The following HYDIN variants were observed in gnomAD, a reference collection of about 807,000 sequenced individuals.
The protein encoded by HYDIN is axonemal central pair apparatus protein HYDIN.
In HYDIN, 132 loss-of-function variants were observed where a neutral mutation model predicts 403.9. That is an observed-to-expected ratio of 0.33 (90% CI 0.28 to 0.38). The LOEUF (loss-of-function observed/expected upper bound fraction) is 0.38, where lower values mean the gene tolerates loss of function less well. HYDIN is among the 10% of genes least tolerant of loss of function. HYDIN has a pLI of 1.00. For missense variants in HYDIN, 2,827 were observed against 5,009.5 expected, an observed-to-expected ratio of 0.56 and a Z score of 13.15; for synonymous variants, 1,202 against 1,891.7, an observed-to-expected ratio of 0.64 and a Z score of 9.46.
At chr16:70,853,145 C>T (rs969079849) in intron 73 of HYDIN, among the ~76,000 whole-genome samples, 1 of 152,054 alleles carries the variant, frequency 6.6e-6, no homozygotes, top group Non-Finnish European at 1.5e-5. Flanking sequence ...CACACCACTG[C>T]ACTCCAGCCT....
intron 10 of HYDIN, among the ~76,000 whole-genome samples, chr16:71,105,647 G>A (rs113952216): frequency 4.6e-5 from 2 of 43,848 alleles, no homozygotes; most frequent in African/African-American, 1.9e-4. Context: ...CCACCATGCT[G>A]CTTTTCTGCA....
intron 41 of HYDIN, among the ~76,000 whole-genome samples, chr16:70,949,209 C>CA (rs980185300): frequency 6.8e-6 from 1 of 147,704 alleles, no homozygotes; most frequent in Non-Finnish European, 1.5e-5. Context: ...ATCGCAAGAA[C>CA]AAAAAAACAA....
At chr16:71,205,593 G>A (rs532351968) in intron 1 of HYDIN, among the ~76,000 whole-genome samples, 12 of 152,306 alleles carry the variant, frequency 7.9e-5, no homozygotes, top group South Asian at 2.1e-4. Context: ...TTGTAGTTCC[G>A]AGGAGCACCA....
intron 39 of HYDIN, among the ~76,000 whole-genome samples, chr16:70,958,322 T>C (rs1394725617): frequency 6.6e-6 from 1 of 152,164 alleles, no homozygotes; most frequent in Non-Finnish European, 1.5e-5. Flanking sequence ...GTGAAAGCTG[T>C]AAGGTTCCAT....
At chr16:71,011,480 G>A (rs111938724) in intron 23 of HYDIN, among the ~76,000 whole-genome samples, 1 of 151,806 alleles carries the variant, frequency 6.6e-6, no homozygotes, top group African/African-American at 2.4e-5. Context: ...ACTGAGGTAG[G>A]AGGATCACTT....
chr16:71,098,662 A>G (rs1349915222), intron 10 of HYDIN, among the ~76,000 whole-genome samples: 23 of 151,808 alleles, frequency 1.5e-4, no homozygotes, highest in African/African-American at 5.3e-4. Flanking sequence ...TATATCATGG[A>G]ATAAACTGCA....
intron 44 of HYDIN, among the ~76,000 whole-genome samples, chr16:70,937,194 C>T (rs796419720): frequency 4.0e-5 from 6 of 151,508 alleles, no homozygotes; most frequent in African/African-American, 1.5e-4. Context: ...TGTTGCTGCA[C>T]TTTGAGAATC....
chr16:71,226,744 C>A (rs2041049425), intron 1 of HYDIN, among the ~76,000 whole-genome samples: 1 of 152,144 alleles, frequency 6.6e-6, no homozygotes, highest in Non-Finnish European at 1.5e-5. Flanking sequence ...TCTTAGAAAA[C>A]TGACGCTCGG....
chr16:70,879,310 A>C lies in HYDIN; in HGVS notation c.10544T>G (p.Val3515Gly). The C allele has an allele frequency of 3.9e-6, 5 of 1,278,230 alleles. No homozygotes were observed. The highest frequency in any genetic ancestry group is 5.5e-6 in the Non-Finnish European group (5 of 906,880). The allele number at this position is 1,278,230 out of a possible 1,614,324, so 79.2% of individuals were successfully genotyped here. A position where few individuals can be genotyped will look rare whatever the true frequency, so the allele number is the denominator to read the frequency against. ...CTCGAGTATTACCTGGGCAGGGAGG[A>C]CACCATTGTTCTTGAGGATGAGAGG... The part of the protein sequence containing the change: ...KLPLILKNNG[V>G]LPAQLHVDLQ... The change falls in exon 62 of 86, where the codon GTC (valine) becomes GGC (glycine). Residue 3515 changes from valine (V) to glycine (G), a missense_variant. By Grantham distance (109) the Val-to-Gly change is moderately radical (BLOSUM62 -3). Coordinates refer to ENST00000393567, the MANE Select transcript of HYDIN (RefSeq NM_001270974.2).
chr16:71,190,453 T>C (rs2087378281), intron 1 of HYDIN, among the ~76,000 whole-genome samples: 1 of 152,190 alleles, frequency 6.6e-6, no homozygotes. Flanking sequence ...ACCAAACTAA[T>C]TATTTTGGAA....
intron 23 of HYDIN, among the ~76,000 whole-genome samples, chr16:71,010,788 C>T (rs1035164703): frequency 2.0e-4 from 30 of 152,118 alleles, no homozygotes; most frequent in Middle Eastern, 6.8e-3. Flanking sequence ...AAAATAATCA[C>T]ATTTCCCCTA....
rs934431899 is a variant in HYDIN, at chr16:70,803,581, T to A, written c.*3999A>T. Among the ~76,000 whole-genome samples, 1 of 152,362 alleles carries A rather than the reference T, an allele frequency of 6.6e-6. No homozygotes were observed. The highest frequency in any genetic ancestry group is 2.1e-4 in the South Asian group (1 of 4,832). On this transcript the variant is annotated 3_prime_UTR_variant, in exon 86 of 86. Coordinates refer to ENST00000393567, the MANE Select transcript of HYDIN (RefSeq NM_001270974.2). Reference sequence around the variant, plus strand: ...TTCTGTAACAACTATTCATAATAGCTATTACAAGTATGTAAAAGTTATGAC... The same window carrying A: ...TTCTGTAACAACTATTCATAATAGCAATTACAAGTATGTAAAAGTTATGAC...
At chr16:70,950,468 G>C (rs1209117154) in intron 41 of HYDIN, among the ~76,000 whole-genome samples, 2 of 151,660 alleles carry the variant, frequency 1.3e-5, no homozygotes, top group Admixed American at 1.3e-4. Context: ...ACGTTGGCCA[G>C]GCTGGCCTTG....
intron 16 of HYDIN, among the ~76,000 whole-genome samples, chr16:71,064,135 C>T (rs1194034621): frequency 1.5e-5 from 2 of 132,704 alleles, no homozygotes; most frequent in African/African-American, 2.7e-5. Context: ...AGTAACCTTC[C>T]ATTACTCTAA....
At chr16:71,218,427 C>T (rs2089004944) in intron 1 of HYDIN, among the ~76,000 whole-genome samples, 1 of 152,200 alleles carries the variant, frequency 6.6e-6, no homozygotes, top group African/African-American at 2.4e-5. Context: ...GAAGAACCCA[C>T]TGGGTTACGT....
intron 1 of HYDIN, among the ~76,000 whole-genome samples, chr16:71,189,924 T>C (rs2087345866): frequency 6.6e-6 from 1 of 152,146 alleles, no homozygotes; most frequent in South Asian, 2.1e-4. Context: ...AATAAGTAGC[T>C]ACATCAATAT....
intron 18 of HYDIN, among the ~76,000 whole-genome samples, chr16:71,034,377 C>T (rs887391556): frequency 2.6e-5 from 4 of 152,112 alleles, no homozygotes; most frequent in Non-Finnish European, 5.9e-5. Context: ...GTGACATAAA[C>T]GTACATTGCA....
chr16:71,107,365 T>C (rs1202178437), intron 10 of HYDIN, among the ~76,000 whole-genome samples: 1 of 149,064 alleles, frequency 6.7e-6, no homozygotes, highest in Non-Finnish European at 1.5e-5. Context: ...AAAGAAACTA[T>C]GGGCAGACTA....
At chr16:70,853,935 A>G (rs1320916171) in intron 73 of HYDIN, among the ~76,000 whole-genome samples, 1 of 139,972 alleles carries the variant, frequency 7.1e-6, no homozygotes, top group Non-Finnish European at 1.5e-5. Flanking sequence ...TCTGGAGTTC[A>G]GTGAGGTAAT....
Sources: allele counts gnomAD v4.1 joint callset (sites outside exome capture counted in the v4.1 genomes callset), GRCh38; gene constraint gnomAD v4.1.1; transcripts MANE v1.5; gene names NCBI Gene and HGNC (gene_info 2026-07-23, HGNC 2026-07-21).